ZBED6: variants seen among roughly 807,000 people sequenced by gnomAD.
ZBED6 encodes the protein zinc finger BED domain-containing protein 6.
Under a neutral mutation model 58.4 loss-of-function variants are expected in ZBED6, and 40 were observed. The ratio of observed to expected loss-of-function variants is 0.68; its 90% CI spans 0.53 to 0.89. The LOEUF (loss-of-function observed/expected upper bound fraction) is 0.89, where lower values mean the gene tolerates loss of function less well. Among genes scored for constraint, ZBED6 ranks in the 40% least tolerant of loss-of-function variants. The pLI, the probability that ZBED6 is intolerant of heterozygous loss-of-function variation, is 0.00. For synonymous variants in ZBED6, 439 were observed against 350.6 expected, an observed-to-expected ratio of 1.25 and a Z score of -2.82; for missense variants, 1,057 against 1,003.9, an observed-to-expected ratio of 1.05 and a Z score of -0.71.
chr1:203,832,907 A>C (rs971969025), intron 8 of ZBED6, among the ~76,000 whole-genome samples: 17 of 152,158 alleles, frequency 1.1e-4, no homozygotes, highest in African/African-American at 4.1e-4. Context: ...TTAAGAATAC[A>C]ATCTGTCTTA....
At position 203,849,698 on chromosome 1, in the gene ZBED6, A is replaced by T; in HGVS notation, c.*4323-13A>T. ...TACCAGATTTTAATTCTGTCATTCA[A>T]ATTTATCCACAGGCTTCAGGTGAGA... is the stretch of plus-strand genomic sequence containing the variant. On this transcript the variant is annotated splice_polypyrimidine_tract_variant and intron_variant, in intron 13 of 16. Transcript: ENST00000550078. The T allele has an allele frequency of 6.2e-7, 1 of 1,612,980 alleles. No homozygotes were observed. The highest frequency in any genetic ancestry group is 1.1e-5 in the South Asian group (1 of 91,034).
intron 2 of ZBED6, among the ~76,000 whole-genome samples, chr1:203,817,622 C>A (rs1055374051): frequency 3.3e-5 from 5 of 152,012 alleles, no homozygotes; most frequent in African/African-American, 1.2e-4. Context: ...TAATCTTTGT[C>A]AAAACTTCTG....
At chr1:203,850,624 G>A (rs747966633) in exon 15 of ZBED6, 10 of 1,614,026 alleles carry the variant, frequency 6.2e-6, no homozygotes, top group Non-Finnish European at 7.6e-6. Context: ...TTGCCGCTGT[G>A]AAGCCACTCA....
intron 2 of ZBED6, 141 bp from the exon 3 acceptor site, chr1:203,818,429 A>G: frequency 9.0e-7 from 1 of 1,117,300 alleles, no homozygotes; most frequent in Admixed American, 2.6e-5. Flanking sequence ...TGTTCCTGTC[A>G]TTCCATGTCC....
At chr1:203,847,831 T>C in intron 12 of ZBED6, 144 bp downstream of exon 12, 1 of 1,165,452 alleles carries the variant, frequency 8.6e-7, no homozygotes, top group Non-Finnish European at 1.2e-6. Context: ...AGTTTTTCAG[T>C]AGTGCTATGT....
rs763940689 is a variant in ZBED6 at position 203,829,673 on chromosome 1, C to G, written c.*3201+19C>G. ...GATGATGGTAAGTTCTGTCTGGCTC[C>G]TTCTTTAAGGCAAATAAATAGGGTC... On this transcript the variant is annotated intron_variant, in intron 5 of 16. Transcript: ENST00000550078. The G allele has an allele frequency of 6.2e-6, 10 of 1,614,010 alleles. No homozygotes were observed. The highest frequency in any genetic ancestry group is 3.3e-5 in the Admixed American group (2 of 60,002).
intron 13 of ZBED6, 90 bp from the exon 14 acceptor site, chr1:203,849,621 C>A: frequency 8.1e-7 from 1 of 1,230,426 alleles, no homozygotes; most frequent in Non-Finnish European, 1.2e-6. Flanking sequence ...ATGTGAGATT[C>A]TGCTTAACTT....
At chr1:203,852,407 A>C in exon 17 of ZBED6, 1 of 1,611,922 alleles carries the variant, frequency 6.2e-7, no homozygotes, top group Non-Finnish European at 8.5e-7. Context: ...TGAAGGTGGT[A>C]GTGAGGACAC....
intron 6 of ZBED6, 79 bp from the exon 7 acceptor site, chr1:203,830,044 T>C: frequency 2.9e-6 from 4 of 1,357,268 alleles, no homozygotes; most frequent in Non-Finnish European, 3.1e-6. Flanking sequence ...TATTCAAAAA[T>C]AAATGCCTGC....
chr1:203,843,983 G>A (rs1408895192), intron 11 of ZBED6, among the ~76,000 whole-genome samples: 3 of 151,488 alleles, frequency 2.0e-5, no homozygotes, highest in East Asian at 1.9e-4. Context: ...TCACCCTTCC[G>A]AGTAGCTGGG....
At chr1:203,811,972 T>A (rs1177490985) in intron 1 of ZBED6, among the ~76,000 whole-genome samples, 1 of 151,792 alleles carries the variant, frequency 6.6e-6, no homozygotes, top group Non-Finnish European at 1.5e-5. Context: ...TGTGCCACCA[T>A]GCTTGGCTAA....
chr1:203,807,777 T>A (rs1672877371), intron 1 of ZBED6, among the ~76,000 whole-genome samples: 1 of 152,038 alleles, frequency 6.6e-6, no homozygotes, highest in African/African-American at 2.4e-5. Context: ...GGTCTTGCTC[T>A]GTTGCGCAGA....
At chr1:203,803,502 T>C (rs1671158764) in intron 1 of ZBED6, among the ~76,000 whole-genome samples, 1 of 152,224 alleles carries the variant, frequency 6.6e-6, no homozygotes, top group South Asian at 2.1e-4. Flanking sequence ...ATAGTTTTTC[T>C]TTCTTTGTTT....
At chr1:203,827,246 T>C (rs1200084602) in intron 3 of ZBED6, among the ~76,000 whole-genome samples, 2 of 152,218 alleles carry the variant, frequency 1.3e-5, no homozygotes, top group Non-Finnish European at 2.9e-5. Flanking sequence ...AATATTGCTG[T>C]GAACATTGCT....
At chr1:203,819,067 CAAAA>C (rs747588582) in intron 3 of ZBED6, among the ~76,000 whole-genome samples, 5,089 of 96,994 alleles carry the variant, frequency 0.052, 141 homozygotes, top group South Asian at 0.1. Flanking sequence ...CACTCCGTCT[CAAAA>C]AAAAAAATAT....
At chr1:203,820,557 G>A (rs756528006) in intron 3 of ZBED6, among the ~76,000 whole-genome samples, 2 of 151,800 alleles carry the variant, frequency 1.3e-5, no homozygotes, top group African/African-American at 2.4e-5. Flanking sequence ...AGCTCACTGC[G>A]ACCTCTGCCT....
intron 3 of ZBED6, among the ~76,000 whole-genome samples, chr1:203,827,681 CA>C (rs77923419): frequency 0.018 from 1,566 of 86,162 alleles, 33 homozygotes; most frequent in Admixed American, 0.081. Context: ...GACTCTGTCT[CA>C]AAAAAAAAAA....
intron 14 of ZBED6, 145 bp from the exon 15 acceptor site, chr1:203,850,370 C>A: frequency 8.0e-7 from 1 of 1,244,812 alleles, no homozygotes; most frequent in South Asian, 1.2e-5. Context: ...CCACAAATTG[C>A]CTTTGAATCG....
At chr1:203,838,954 CAAAAAAAAA>C (rs59033094) in intron 10 of ZBED6, among the ~76,000 whole-genome samples, 1 of 97,944 alleles carries the variant, frequency 1.0e-5, no homozygotes, top group Admixed American at 1.1e-4. Flanking sequence ...GACTTCATCT[CAAAAAAAAA>C]AAAAAAAAAA....
Sources: gnomAD v4.1 joint callset for allele counts (sites outside exome capture counted in the v4.1 genomes callset) on GRCh38, gnomAD v4.1.1 for gene constraint, MANE v1.5 for transcripts, NCBI Gene and HGNC (gene_info 2026-07-23, HGNC 2026-07-21) for gene names.